MECR: variants seen among roughly 807,000 people sequenced by gnomAD.
MECR encodes the protein enoyl-[acyl-carrier-protein] reductase, mitochondrial.
In MECR, 37 loss-of-function variants were observed where a neutral mutation model predicts 49.1. That is an observed-to-expected ratio of 0.75 (90% confidence interval 0.58 to 0.99). The LOEUF is 0.99. Ranked by LOEUF, MECR falls within the 50% of genes least tolerant of loss-of-function variation. The pLI, the probability that MECR is intolerant of heterozygous loss-of-function variation, is 0.00. For synonymous variants in MECR, 198 were observed against 191.1 expected, an observed-to-expected ratio of 1.04 and a Z score of -0.30; for missense variants, 470 against 479.6, an observed-to-expected ratio of 0.98 and a Z score of 0.19.
At chr1:29,208,191 C>T (rs1463851146) in intron 3 of MECR, among the ~76,000 whole-genome samples, 2 of 152,254 alleles carry the variant, frequency 1.3e-5, no homozygotes, top group Non-Finnish European at 2.9e-5. Context: ...TGGGTTTCAC[C>T]ATGTTGGCCA....
Position 29,216,057 on chromosome 1 carries a change from A to G in MECR, c.354T>C (p.Asn118=), listed in dbSNP as rs761659702. 1 of 1,614,056 alleles carries G rather than the reference A, an allele frequency of 6.2e-7. No individual in the cohort carries two copies. The highest frequency in any genetic ancestry group is 1.1e-5 in the South Asian group (1 of 91,068). ...AGTCTCCTGGCTTCAGCCCGGTCAC[A>G]TTGCTGCCCACCGCTACCACCTGTG... The part of the protein sequence containing the change: ...GVAQVVAVGS[N]VTGLKPGDWV... The change falls in exon 3 of 10, where the codon AAT becomes AAC. Residue 118 remains asparagine, a synonymous_variant. Coordinates refer to ENST00000263702, the MANE Select transcript of MECR (RefSeq NM_016011.5).
At chr1:29,196,293 A>C in intron 7 of MECR, 35 bp from the exon 8 acceptor site, 1 of 1,578,516 alleles carries the variant, frequency 6.3e-7, no homozygotes, top group Non-Finnish European at 8.7e-7. Context: ...AGTGGATGCA[A>C]GGCAGAGACA....
chr1:29,186,044 G>A, the MECR span, among the ~76,000 whole-genome samples: 2 of 152,114 alleles, frequency 1.3e-5, no homozygotes, highest in African/African-American at 4.8e-5. Flanking sequence ...CTAGCACTAA[G>A]CTTGGTTGTT....
At chr1:29,182,131 TC>T in the MECR span, 1 of 182,254 alleles carries the variant, frequency 5.5e-6, no homozygotes, top group Non-Finnish European at 1.1e-5. Context: ...GCTTCGCCCC[TC>T]CCCCGGAAGT....
Position 29,230,682 on chromosome 1 carries a change from C to G in MECR, c.176+49G>C, listed in dbSNP as rs750337338. The G allele has an allele frequency of 1.4e-4, 222 of 1,544,144 alleles. 1 individual carries two copies. The highest frequency in any genetic ancestry group is 1.3e-3 in the East Asian group (53 of 40,838). ...TCCCAGTCCGCAGCTCGTGTTAAAG[C>G]CTTCCAGAAACCCCAGTCCCCTTCC... On this transcript the variant is annotated intron_variant, in intron 1 of 9. Transcript: ENST00000263702.
rs1450805893 is a variant in MECR, at chr1:29,192,815, A to G, written c.*1207T>C. The G allele has an allele frequency of 6.6e-6, 1 of 152,194 alleles. No individual in the cohort carries two copies. Among genetic ancestry groups the G allele is most frequent in the Non-Finnish European group, 1.5e-5 (1 of 68,032 alleles). The allele number at this position is 152,194 out of a possible 1,614,324, so 9.4% of individuals were successfully genotyped here. ...TACCCCTGTCCCTGGGGCCTAGGGC[A>G]AGATCTTTATTCTGCTCTTACAGCA... On this transcript the variant is annotated 3_prime_UTR_variant, in exon 10 of 10. Transcript: ENST00000263702.
At chr1:29,192,223 C>A (rs1336598472), downstream of MECR, among the ~76,000 whole-genome samples, 1 of 152,196 alleles carries the variant, frequency 6.6e-6, no homozygotes, top group Non-Finnish European at 1.5e-5. Flanking sequence ...TCACCCATGT[C>A]TCCCACCTCA....
chr1:29,195,129 C>G (rs1673649364), intron 9 of MECR, among the ~76,000 whole-genome samples: 1 of 151,956 alleles, frequency 6.6e-6, no homozygotes, highest in African/African-American at 2.4e-5. Flanking sequence ...AAAAATAACC[C>G]CCCAAAACAG....
rs1675358118 is a variant in MECR, at chr1:29,201,707, G to A, written c.756+236C>T. The stretch of plus-strand genomic sequence containing the variant: ...GCGGCCCACCACAAACGTTTAAACT[G>A]CAAGTCATACTGGGTTTCCTAAACT... On this transcript the variant is annotated intron_variant, in intron 6 of 9. Coordinates refer to ENST00000263702, the MANE Select transcript of MECR (RefSeq NM_016011.5). This position sits in a 1 kb window ranked among gnomAD's most constrained non-coding sequence, Gnocchi z 4.3. 1.3e-5 allele frequency among the ~76,000 whole-genome samples: 2 copies of A among 152,170 alleles called. No individual in the cohort carries two copies. The highest frequency in any genetic ancestry group is 4.1e-4 in the South Asian group (2 of 4,834).
intron 1 of MECR, among the ~76,000 whole-genome samples, chr1:29,221,901 C>T (rs1468979251): frequency 6.6e-6 from 1 of 152,090 alleles, no homozygotes; most frequent in Non-Finnish European, 1.5e-5. Context: ...GGACTGACTG[C>T]CGTTCAGTCC....
intron 3 of MECR, among the ~76,000 whole-genome samples, chr1:29,210,066 A>C (rs1372054624): frequency 2.0e-5 from 3 of 149,872 alleles, no homozygotes; most frequent in Non-Finnish European, 4.4e-5. Context: ...GCTGGAGTGC[A>C]GTGGCACGAT....
rs565698997 is a variant in MECR, at chr1:29,221,793, G to A, written c.177-5108C>T. Among the ~76,000 whole-genome samples the A allele has an allele frequency of 1.2e-4, 19 of 152,120 alleles. No homozygotes were observed. The East Asian group carries it at 1.3e-3, about 11-fold the overall frequency. Reference sequence around the variant, plus strand: ...TGGGTGGGTGGAGTCTAGGAGAGTCGAAAAACTTATTCTGGGTGATTTCAC... The same window carrying A: ...TGGGTGGGTGGAGTCTAGGAGAGTCAAAAAACTTATTCTGGGTGATTTCAC... On this transcript the variant is annotated intron_variant, in intron 1 of 9. Transcript: ENST00000263702.
chr1:29,175,241 C>T, the MECR span, among the ~76,000 whole-genome samples: 3 of 151,092 alleles, frequency 2.0e-5, no homozygotes, highest in Admixed American at 6.6e-5. Flanking sequence ...GGTGAAACCC[C>T]GTTTCTACAA....
At chr1:29,229,601 T>C (rs1451633096) in intron 1 of MECR, among the ~76,000 whole-genome samples, 3 of 152,246 alleles carry the variant, frequency 2.0e-5, no homozygotes, top group Non-Finnish European at 4.4e-5. Flanking sequence ...AAAAAGAAGG[T>C]ACTGCACAAG....
chr1:29,213,187 C>T (rs1385127834), intron 3 of MECR, among the ~76,000 whole-genome samples: 1 of 152,252 alleles, frequency 6.6e-6, no homozygotes, highest in Non-Finnish European at 1.5e-5. Context: ...ACTCTGAGGG[C>T]AGGAACTGTC....
At chr1:29,199,573 T>C (rs570223144) in intron 7 of MECR, among the ~76,000 whole-genome samples, 1 of 152,124 alleles carries the variant, frequency 6.6e-6, no homozygotes, top group South Asian at 2.1e-4. Flanking sequence ...CATGCATTAA[T>C]ATTGTCAACA....
At chr1:29,192,018 G>C (rs1284325650), downstream of MECR, among the ~76,000 whole-genome samples, 2 of 152,158 alleles carry the variant, frequency 1.3e-5, no homozygotes, top group Non-Finnish European at 2.9e-5. Context: ...CTTGAACCCA[G>C]GAGGTTGAGG....
At chr1:29,189,195 C>CA (rs1673076110), downstream of MECR, among the ~76,000 whole-genome samples, 1 of 144,656 alleles carries the variant, frequency 6.9e-6, no homozygotes, top group East Asian at 1.9e-4. Context: ...CCTTGGCCCC[C>CA]CAAAGTGCTG....
At position 29,216,155 on chromosome 1, in the gene MECR, A is replaced by T. The variant is rs1400707556; in HGVS notation, c.275-19T>A. On this transcript the variant is annotated intron_variant, in intron 2 of 9. Coordinates refer to ENST00000263702, the MANE Select transcript of MECR (RefSeq NM_016011.5). The stretch of plus-strand genomic sequence containing the variant: ...TAGTTTCCTGAGGGAGAAGAGCATT[A>T]AAGGGTCAACCAGTGATGTTTGGGC... 6.2e-7 allele frequency: 1 copy of T among 1,613,060 alleles called. No homozygotes were observed. The highest frequency in any genetic ancestry group is 8.5e-7 in the Non-Finnish European group (1 of 1,179,392).
Sources: allele counts gnomAD v4.1 joint callset (sites outside exome capture counted in the v4.1 genomes callset), GRCh38; gene constraint gnomAD v4.1.1; non-coding constraint Gnocchi (gnomAD v3.1); transcripts MANE v1.5; gene names NCBI Gene and HGNC (gene_info 2026-07-23, HGNC 2026-07-21).